The following IMPG1 variants were observed in gnomAD, a reference collection of about 807,000 sequenced individuals.
IMPG1 encodes the protein interphotoreceptor matrix proteoglycan of 150 kDa.
IMPG1 carries 85 observed loss-of-function variants against 92.0 expected under a neutral mutation model. The ratio of observed to expected loss-of-function variants is 0.92; its 90% confidence interval spans 0.78 to 1.11. The LOEUF is 1.11. Among genes scored for constraint, IMPG1 ranks in the 50% least tolerant of loss-of-function variants. The pLI is 0.00. For missense variants in IMPG1, 1,022 were observed against 956.0 expected (o/e 1.07, Z -0.91); for synonymous variants, 367 against 334.1 (o/e 1.10, Z -1.08).
chr6:76,070,247 CAGA>C (rs1219613079), intron 1 of IMPG1, among the ~76,000 whole-genome samples: 1 of 152,134 alleles, frequency 6.6e-6, no homozygotes, highest in Non-Finnish European at 1.5e-5. Flanking sequence ...TCACTAATCT[CAGA>C]GGAATGCAAA....
chr6:76,002,833 T>A, intron 12 of IMPG1, 85 bp downstream of exon 12: 2 of 1,051,528 alleles, frequency 1.9e-6, no homozygotes, highest in Non-Finnish European at 3.0e-6. Flanking sequence ...GATGGCTTTG[T>A]CACTGGTCTT....
chr6:75,968,636 A>G (rs1782351472), intron 12 of IMPG1, among the ~76,000 whole-genome samples: 1 of 152,036 alleles, frequency 6.6e-6, no homozygotes, highest in Admixed American at 6.6e-5. Flanking sequence ...GGAAAATAAC[A>G]CTAACTTAAA....
chr6:76,060,802 G>C (rs1424250231), intron 1 of IMPG1, among the ~76,000 whole-genome samples: 1 of 152,112 alleles, frequency 6.6e-6, no homozygotes, highest in East Asian at 1.9e-4. Flanking sequence ...GGTGTGGATG[G>C]AGACCTCACT....
intron 12 of IMPG1, among the ~76,000 whole-genome samples, chr6:75,974,844 A>G (rs1256269601): frequency 6.6e-6 from 1 of 152,128 alleles, no homozygotes; most frequent in East Asian, 1.9e-4. Flanking sequence ...ACAAATATTC[A>G]ACAGTTTAAA....
intron 1 of IMPG1, among the ~76,000 whole-genome samples, chr6:76,050,043 C>G (rs187532283): frequency 6.6e-6 from 1 of 152,280 alleles, no homozygotes; most frequent in African/African-American, 2.4e-5. Context: ...TGAATTTAAA[C>G]ACTTTCAAAC....
At position 76,049,856 on chromosome 6, in the gene IMPG1, A is replaced by G. The variant is rs1425874006; in HGVS notation, c.68-7730T>C. Among the ~76,000 whole-genome samples, 5 of 152,334 alleles carry G rather than the reference A, an allele frequency of 3.3e-5. No homozygotes were observed. In the East Asian group the frequency reaches 9.6e-4, roughly 29 times the overall value. ...CAGGGAAACTTCTAGCAGACTAAGGAAAATGGTTGGCACCGAAGGCTTAAG... is the reference window on the plus strand; with the variant it reads ...CAGGGAAACTTCTAGCAGACTAAGGGAAATGGTTGGCACCGAAGGCTTAAG... On this transcript the variant is annotated intron_variant, in intron 1 of 16. Coordinates refer to ENST00000369950, the MANE Select transcript of IMPG1 (RefSeq NM_001563.4).
At chr6:76,067,184 C>T (rs1451160288) in intron 1 of IMPG1, among the ~76,000 whole-genome samples, 4 of 150,986 alleles carry the variant, frequency 2.6e-5, no homozygotes, top group Non-Finnish European at 5.9e-5. Context: ...AAATAACAAA[C>T]ATCAAAGGAG....
Position 75,947,387 on chromosome 6 carries a change from C to T in IMPG1, c.1971G>A (p.Leu657=). The T allele has an allele frequency of 6.2e-7, 1 of 1,613,964 alleles. No individual in the cohort carries two copies. The highest frequency in any genetic ancestry group is 8.5e-7 in the Non-Finnish European group (1 of 1,179,920). The change falls in exon 14 of 17, where the codon TTG becomes TTA. Residue 657 remains leucine, a synonymous_variant. Transcript: ENST00000369950. ...YNLTKAVHGV[L]EDFRSAAAQQ... ...GGGCTGCAGCAGAACGAAAATCCTC[C>T]AAGACCCCGTGCACAGCCTTGGTGA...
In IMPG1 at chr6:75,984,312, A is replaced by C. The variant is rs145757008; in HGVS notation, c.1291+18606T>G. Among the ~76,000 whole-genome samples, 19 of 152,354 alleles carry C rather than the reference A, an allele frequency of 1.2e-4. No individual in the cohort carries two copies. In the East Asian group the frequency reaches 3.1e-3, roughly 25 times the overall value. ...TTAATAAAAGCCAAGATATGGAATCAAGCTAAGTGTCCATTAAAACAAATG... is the reference window on the plus strand; with the variant it reads ...TTAATAAAAGCCAAGATATGGAATCCAGCTAAGTGTCCATTAAAACAAATG... On this transcript the variant is annotated intron_variant, in intron 12 of 16. Coordinates refer to ENST00000369950, the MANE Select transcript of IMPG1 (RefSeq NM_001563.4).
chr6:76,072,374 T>C (rs1197471385), intron 1 of IMPG1, 48 bp downstream of exon 1: 1 of 1,017,482 alleles, frequency 9.8e-7, no homozygotes, highest in South Asian at 1.4e-5. Flanking sequence ...CTTCTATCGG[T>C]AGATTTTATA....
At chr6:76,049,371 C>T (rs1302450284) in intron 1 of IMPG1, among the ~76,000 whole-genome samples, 3 of 152,300 alleles carry the variant, frequency 2.0e-5, no homozygotes, top group African/African-American at 4.8e-5. Flanking sequence ...TTGTCTTTCC[C>T]TCCTTTTCCA....
intron 12 of IMPG1, among the ~76,000 whole-genome samples, chr6:75,953,022 T>G (rs1024817485): frequency 6.6e-6 from 1 of 152,156 alleles, no homozygotes; most frequent in Non-Finnish European, 1.5e-5. Flanking sequence ...ATTGAAAGGA[T>G]TTGATTTGAC....
rs1781431943 is a variant in IMPG1 at position 75,921,661 on chromosome 6, C to G, written c.*428G>C. 1 of 183,822 alleles carries G rather than the reference C, an allele frequency of 5.4e-6. No individual in the cohort carries two copies. The highest frequency in any genetic ancestry group is 2.4e-5 in the African/African-American group (1 of 41,598). The allele number at this position is 183,822 out of a possible 1,614,324, so 11.4% of individuals were successfully genotyped here. On this transcript the variant is annotated 3_prime_UTR_variant, in exon 17 of 17. Transcript: ENST00000369950. ...CATGCGTTTAGAGAGACCTGCATCT[C>G]CCTGCGTAAGTAGTCATCTTTTAAA... is the stretch of plus-strand genomic sequence containing the variant.
chr6:75,966,094 G>A lies in IMPG1; in HGVS notation c.1292-15000C>T, dbSNP rs141793863. On this transcript the variant is annotated intron_variant, in intron 12 of 16. Transcript: ENST00000369950. Reference sequence around the variant, plus strand: ...ATCATGTCATATTTTAGGCCCTAAGGTTCCTAGTTAGTCCATCTTCTTCTC... The same window carrying A: ...ATCATGTCATATTTTAGGCCCTAAGATTCCTAGTTAGTCCATCTTCTTCTC... Among the ~76,000 whole-genome samples the A allele has an allele frequency of 8.0e-3, 1,222 of 152,164 alleles. 16 individuals are homozygous for A. The highest frequency in any genetic ancestry group is 0.028 in the African/African-American group (1,158 of 41,516).
chr6:76,070,230 C>A (rs2127599619), intron 1 of IMPG1, among the ~76,000 whole-genome samples: 1 of 152,234 alleles, frequency 6.6e-6, no homozygotes, highest in Admixed American at 6.5e-5. Context: ...TGAAAGAAAG[C>A]TCAATGTCAC....
chr6:75,947,857 TAA>T lies in IMPG1; in HGVS notation c.1825-326_1825-325del, dbSNP rs5877465. ...AAGCAGGAATGCCAAGTTCAGTTAT[TAA>T]AAAAAAAAAAACCCAAGTAAATAAA... On this transcript the variant is annotated intron_variant, in intron 13 of 16. Coordinates refer to ENST00000369950, the MANE Select transcript of IMPG1 (RefSeq NM_001563.4). Among the ~76,000 whole-genome samples, 605 of 147,200 alleles carry T rather than the reference TAA, an allele frequency of 4.1e-3. 3 individuals carry two copies. Among genetic ancestry groups the T allele is most frequent in the African/African-American group, 0.013 (527 of 40,114 alleles).
chr6:75,994,388 C>A (rs1782863713), intron 12 of IMPG1, among the ~76,000 whole-genome samples: 1 of 152,156 alleles, frequency 6.6e-6, no homozygotes, highest in Admixed American at 6.5e-5. Context: ...TGTTTATCAA[C>A]CTCTGCTTTT....
intron 1 of IMPG1, among the ~76,000 whole-genome samples, chr6:76,063,309 A>G (rs774309029): frequency 7.9e-5 from 12 of 152,188 alleles, no homozygotes; most frequent in Non-Finnish European, 8.8e-5. Context: ...TTTACACAGA[A>G]TTTCAAGAGG....
chr6:75,966,882 A>G (rs1056952265), intron 12 of IMPG1, among the ~76,000 whole-genome samples: 1 of 152,340 alleles, frequency 6.6e-6, no homozygotes, highest in East Asian at 1.9e-4. Flanking sequence ...TTTCTGATAC[A>G]TTAAAACAAA....
Sources: gnomAD v4.1 joint callset for allele counts (sites outside exome capture counted in the v4.1 genomes callset) on GRCh38, gnomAD v4.1.1 for gene constraint, MANE v1.5 for transcripts, NCBI Gene and HGNC (gene_info 2026-07-23, HGNC 2026-07-21) for gene names.